Variants in TNRC6A observed in about 807,000 individuals in gnomAD.
TNRC6A encodes the protein trinucleotide repeat-containing gene 6A protein.
Under a neutral mutation model 221.2 loss-of-function variants are expected in TNRC6A, and 44 were observed. That is an observed-to-expected ratio of 0.20 (90% confidence interval 0.16 to 0.26). The LOEUF is 0.26. Ranked by LOEUF, TNRC6A falls within the 10% of genes least tolerant of loss-of-function variation. TNRC6A has a pLI of 1.00. For missense variants in TNRC6A, 2,199 were observed against 2,404.4 expected (o/e 0.91, Z 1.79); for synonymous variants, 847 against 838.5 (o/e 1.01, Z -0.18).
intron 2 of TNRC6A, among the ~76,000 whole-genome samples, chr16:24,695,617 C>G (rs2055842572): frequency 6.6e-6 from 1 of 152,014 alleles, no homozygotes; most frequent in Admixed American, 6.6e-5. Context: ...TCAGGCTGGT[C>G]TCGAACTCCT....
intron 11 of TNRC6A, among the ~76,000 whole-genome samples, chr16:24,799,247 A>G (rs1293745794): frequency 1.3e-5 from 2 of 152,020 alleles, no homozygotes; most frequent in African/African-American, 2.4e-5. Context: ...GCCTAAGTCC[A>G]TTTTTTTTCA....
intron 2 of TNRC6A, among the ~76,000 whole-genome samples, chr16:24,696,948 G>T (rs1019872879): frequency 3.3e-5 from 5 of 152,018 alleles, no homozygotes; most frequent in African/African-American, 9.7e-5. Context: ...ACAGAGACAC[G>T]AGAACTGATA....
At chr16:24,818,530 T>G in intron 20 of TNRC6A, 63 bp from the exon 21 acceptor site, 1 of 1,321,960 alleles carries the variant, frequency 7.6e-7, no homozygotes, top group Non-Finnish European at 1.1e-6. Flanking sequence ...CTGGAAGCTT[T>G]TGCTTTTTCT....
At chr16:24,706,950 A>G (rs1465077141) in intron 2 of TNRC6A, among the ~76,000 whole-genome samples, 1 of 150,654 alleles carries the variant, frequency 6.6e-6, no homozygotes, top group Non-Finnish European at 1.5e-5. Flanking sequence ...TTCCAGACAG[A>G]TAAACGATGT....
intron 2 of TNRC6A, among the ~76,000 whole-genome samples, chr16:24,692,722 TTA>T (rs976371539): frequency 6.6e-6 from 1 of 151,704 alleles, no homozygotes. Flanking sequence ...TAAAAAAAAA[TTA>T]TATATATATG....
intron 4 of TNRC6A, among the ~76,000 whole-genome samples, chr16:24,774,139 A>G (rs1229687384): frequency 6.6e-6 from 1 of 152,190 alleles, no homozygotes; most frequent in African/African-American, 2.4e-5. Context: ...TTGGGTGATT[A>G]TGAACATAGT....
intron 2 of TNRC6A, among the ~76,000 whole-genome samples, chr16:24,732,072 A>G (rs764268475): frequency 6.6e-5 from 10 of 152,258 alleles, no homozygotes; most frequent in Non-Finnish European, 1.3e-4. Context: ...CATGTGCTTG[A>G]GAATATTCAG....
At chr16:24,803,398 TAC>T (rs1491119626) in intron 11 of TNRC6A, 4 of 150,112 alleles carry the variant, frequency 2.7e-5, no homozygotes, top group African/African-American at 9.8e-5. Flanking sequence ...TAGCCTGGGC[TAC>T]AGAGTGAGAC....
chr16:24,737,451 T>A (rs1285120332), intron 2 of TNRC6A, among the ~76,000 whole-genome samples: 2 of 152,272 alleles, frequency 1.3e-5, no homozygotes, highest in Non-Finnish European at 2.9e-5. Context: ...TCTGTGTGTT[T>A]GAGTTGGCTA....
intron 5 of TNRC6A, among the ~76,000 whole-genome samples, chr16:24,781,395 C>T (rs1567464179): frequency 1.3e-5 from 2 of 152,102 alleles, no homozygotes; most frequent in Non-Finnish European, 2.9e-5. Context: ...TACAGAATTT[C>T]TCCCTCCCCC....
chr16:24,766,896 C>T (rs904593448), intron 4 of TNRC6A, among the ~76,000 whole-genome samples: 2 of 151,986 alleles, frequency 1.3e-5, no homozygotes, highest in African/African-American at 4.8e-5. Context: ...AGGCTGGTGT[C>T]GAACTCCTGA....
At chr16:24,681,352 C>T (rs552755659) in intron 2 of TNRC6A, among the ~76,000 whole-genome samples, 8 of 152,232 alleles carry the variant, frequency 5.3e-5, no homozygotes, top group African/African-American at 1.7e-4. Flanking sequence ...CTCAGCCTCC[C>T]GGGTAGCTGG....
chr16:24,751,137 A>G (rs1352442937), intron 3 of TNRC6A, among the ~76,000 whole-genome samples: 1 of 152,186 alleles, frequency 6.6e-6, no homozygotes, highest in Non-Finnish European at 1.5e-5. Flanking sequence ...AGTTGAGAGT[A>G]TTTGAAATCT....
chr16:24,628,229 A>G (rs1365765752), intron 1 of TNRC6A, among the ~76,000 whole-genome samples: 2 of 151,192 alleles, frequency 1.3e-5, no homozygotes, highest in African/African-American at 4.9e-5. Context: ...GACTAGCCTG[A>G]CCAACATGGT....
At chr16:24,802,961 C>T (rs1320491617) in intron 11 of TNRC6A, among the ~76,000 whole-genome samples, 2 of 152,072 alleles carry the variant, frequency 1.3e-5, no homozygotes. Context: ...AAAAAGTTTC[C>T]AGGAGAGAAG....
In TNRC6A at chr16:24,816,883, T is replaced by G; in HGVS notation, c.4899T>G (p.Thr1633=). Residue 1633 remains threonine (T), a synonymous_variant, in exon 20 of 25, where the codon ACT becomes ACG. Transcript: ENST00000395799. ...ACCCTGAAACTGACCCTTACGTCAC[T>G]CCTGGCAGTGTCATAAACAATCTTT... is the stretch of plus-strand genomic sequence containing the variant. The part of the protein sequence containing the change: ...NIDPETDPYV[T]PGSVINNLSI... 6.2e-7 allele frequency: 1 copy of G among 1,614,206 alleles called. No individual in the cohort carries two copies. The highest frequency in any genetic ancestry group is 8.5e-7 in the Non-Finnish European group (1 of 1,180,042).
intron 2 of TNRC6A, among the ~76,000 whole-genome samples, chr16:24,700,839 T>C (rs1235839028): frequency 2.0e-5 from 3 of 152,204 alleles, no homozygotes; most frequent in Non-Finnish European, 4.4e-5. Flanking sequence ...CTTGCTTCTT[T>C]ATAGCAAACC....
intron 11 of TNRC6A, among the ~76,000 whole-genome samples, chr16:24,801,533 CT>C (rs34391039): frequency 1.1e-3 from 135 of 121,580 alleles, no homozygotes; most frequent in South Asian, 3.1e-3. Flanking sequence ...ATGCTACTCT[CT>C]TTTTTTTTTT....
rs541159708 is a variant in TNRC6A at position 24,636,730 on chromosome 16, T to A, written n.277-4154T>A. ...TAGTAAGATAAATTTGACTCAGTTA[T>A]GGCATTTTGTTCCTTAATTTTTAAT... On this transcript the variant is annotated intron_variant and non_coding_transcript_variant, in intron 1 of 2. Coordinates refer to the TNRC6A transcript ENST00000566108. Among the ~76,000 whole-genome samples the A allele has an allele frequency of 1.2e-4, 19 of 152,370 alleles. No homozygotes were observed. The South Asian group carries it at 3.9e-3, about 32-fold the overall frequency.
Sources: gnomAD v4.1 joint callset for allele counts (sites outside exome capture counted in the v4.1 genomes callset) on GRCh38, gnomAD v4.1.1 for gene constraint, MANE v1.5 for transcripts, NCBI Gene and HGNC (gene_info 2026-07-23, HGNC 2026-07-21) for gene names.